RALYL: variants seen among roughly 807,000 people sequenced by gnomAD.
RALYL encodes the protein RNA-binding Raly-like protein.
RALYL carries 29 observed loss-of-function variants against 35.1 expected under a neutral mutation model. The ratio of observed to expected loss-of-function variants is 0.83; its 90% CI spans 0.61 to 1.13. The LOEUF is 1.13. RALYL is among the 50% of genes most tolerant of loss of function. The pLI, the probability that RALYL is intolerant of heterozygous loss-of-function variation, is 0.00. For synonymous variants in RALYL, 120 were observed against 127.6 expected (o/e 0.94, Z 0.40); for missense variants, 359 against 360.4 (o/e 1.00, Z 0.03).
At chr8:84,242,604 T>A (rs1435637747) in intron 1 of RALYL, among the ~76,000 whole-genome samples, 4 of 152,204 alleles carry the variant, frequency 2.6e-5, no homozygotes, top group Non-Finnish European at 5.9e-5. Context: ...GAGGTTTTTT[T>A]ATATGTTTGT....
At chr8:84,582,543 T>C (rs1033001808) in intron 2 of RALYL, among the ~76,000 whole-genome samples, 2 of 152,132 alleles carry the variant, frequency 1.3e-5, no homozygotes, top group Non-Finnish European at 2.9e-5. Flanking sequence ...TCATTCATGA[T>C]TTTTTTCATA....
chr8:84,655,969 T>A (rs533095873), intron 2 of RALYL, among the ~76,000 whole-genome samples: 1 of 152,298 alleles, frequency 6.6e-6, no homozygotes, highest in East Asian at 1.9e-4. Context: ...CAGCGATGGT[T>A]AATACCTTAT....
chr8:84,353,404 A>T (rs901160583), intron 1 of RALYL, among the ~76,000 whole-genome samples: 1 of 150,394 alleles, frequency 6.6e-6, no homozygotes, highest in African/African-American at 2.5e-5. Flanking sequence ...CCCACAGATC[A>T]CCTGCCACAG....
At chr8:84,850,088 C>A in intron 5 of RALYL, 61 bp downstream of exon 5, 3 of 864,532 alleles carry the variant, frequency 3.5e-6, no homozygotes, top group Admixed American at 3.3e-5. Context: ...CCATTTTGTA[C>A]ATTTTATTCA....
At chr8:84,678,601 A>T (rs1044420586) in intron 2 of RALYL, among the ~76,000 whole-genome samples, 1 of 152,120 alleles carries the variant, frequency 6.6e-6, no homozygotes, top group Non-Finnish European at 1.5e-5. Context: ...CAAGCATATG[A>T]TAAGGAATTT....
At chr8:84,648,016 T>C (rs754921746) in intron 2 of RALYL, among the ~76,000 whole-genome samples, 8 of 152,076 alleles carry the variant, frequency 5.3e-5, no homozygotes, top group Non-Finnish European at 1.2e-4. Context: ...GCTCTTTGCA[T>C]AGCTGTCTTT....
intron 6 of RALYL, among the ~76,000 whole-genome samples, chr8:84,870,850 C>T (rs563684702): frequency 1.8e-4 from 27 of 152,086 alleles, no homozygotes; most frequent in Admixed American, 1.2e-3. Context: ...GGACTAAGGC[C>T]AATTGGACTA....
At chr8:84,886,859 C>A (rs1004300287) in intron 7 of RALYL, among the ~76,000 whole-genome samples, 2 of 152,128 alleles carry the variant, frequency 1.3e-5, no homozygotes, top group Non-Finnish European at 2.9e-5. Context: ...CTATACCAAA[C>A]CCTGAAAGTT....
At chr8:84,340,411 C>T (rs1467551517) in intron 1 of RALYL, among the ~76,000 whole-genome samples, 14 of 152,094 alleles carry the variant, frequency 9.2e-5, no homozygotes, top group Non-Finnish European at 1.5e-5. Flanking sequence ...AACTGAAACA[C>T]CATATCCATT....
chr8:84,570,088 G>T (rs1807557231), intron 2 of RALYL, among the ~76,000 whole-genome samples: 1 of 151,642 alleles, frequency 6.6e-6, no homozygotes, highest in South Asian at 2.1e-4. Flanking sequence ...TTGCTTCCAT[G>T]GGAATTTTAG....
chr8:84,654,993 T>C lies in RALYL; in HGVS notation c.257-119586T>C, dbSNP rs192415618. On this transcript the variant is annotated intron_variant, in intron 2 of 8. Coordinates refer to ENST00000521268, the MANE Select transcript of RALYL (RefSeq NM_173848.7). ...TCATATGGTGGGGGTGGGTCTATTT[T>C]CAGTTTTTTGGGGAACCTCCAAACT... 3.9e-4 allele frequency among the ~76,000 whole-genome samples: 59 copies of C among 152,240 alleles called. 1 individual carries two copies. The Middle Eastern group carries it at 0.027, about 70-fold the overall frequency.
intron 2 of RALYL, among the ~76,000 whole-genome samples, chr8:84,584,724 T>G (rs1811608636): frequency 1.3e-5 from 2 of 152,208 alleles, no homozygotes; most frequent in Admixed American, 6.5e-5. Context: ...CTAATATTAT[T>G]TTATAATAAG....
At chr8:84,588,013 C>T (rs1393526586) in intron 2 of RALYL, among the ~76,000 whole-genome samples, 1 of 152,048 alleles carries the variant, frequency 6.6e-6, no homozygotes, top group Non-Finnish European at 1.5e-5. Flanking sequence ...ACCCACACAC[C>T]CCACACATAG....
intron 4 of RALYL, among the ~76,000 whole-genome samples, chr8:84,847,892 C>T (rs1365458164): frequency 6.6e-6 from 1 of 152,086 alleles, no homozygotes; most frequent in African/African-American, 2.4e-5. Flanking sequence ...GCAGACTTTA[C>T]CTTCATGGAT....
intron 1 of RALYL, among the ~76,000 whole-genome samples, chr8:84,270,009 A>C (rs2131925194): frequency 6.6e-6 from 1 of 152,196 alleles, no homozygotes; most frequent in Non-Finnish European, 1.5e-5. Context: ...CAATTATAGT[A>C]GACATCTCCT....
At chr8:84,185,263 T>G in intron 1 of RALYL, 1 of 554,564 alleles carries the variant, frequency 1.8e-6, no homozygotes. Context: ...TATTTAAATT[T>G]TGTTAAAGGG....
At chr8:84,679,647 G>C in intron 2 of RALYL, 1 of 490,684 alleles carries the variant, frequency 2.0e-6, no homozygotes, top group South Asian at 1.6e-5. Flanking sequence ...GATGGTGCTG[G>C]AGGTGACAAT....
At chr8:84,726,769 G>A (rs552809453) in intron 2 of RALYL, among the ~76,000 whole-genome samples, 2 of 152,038 alleles carry the variant, frequency 1.3e-5, no homozygotes, top group Admixed American at 6.6e-5. Context: ...TAAATGAAGA[G>A]AGCATTAAAT....
chr8:84,304,514 C>T (rs1489029223), intron 1 of RALYL, among the ~76,000 whole-genome samples: 2 of 152,082 alleles, frequency 1.3e-5, no homozygotes, highest in Admixed American at 6.5e-5. Context: ...GAGTTGTTCT[C>T]ATCTTCTTAT....
Sources: allele counts gnomAD v4.1 joint callset (sites outside exome capture counted in the v4.1 genomes callset), GRCh38; gene constraint gnomAD v4.1.1; transcripts MANE v1.5; gene names NCBI Gene and HGNC (gene_info 2026-07-23, HGNC 2026-07-21).